DYNC1I1: variants seen among roughly 807,000 people sequenced by gnomAD.
DYNC1I1 encodes the protein dynein cytoplasmic 1 intermediate chain 1.
A neutral mutation model predicts 86.6 loss-of-function variants in DYNC1I1; 43 were observed. The ratio of observed to expected loss-of-function variants is 0.50; its 90% CI spans 0.39 to 0.64. DYNC1I1 has a LOEUF of 0.64. Among genes scored for constraint, DYNC1I1 ranks in the 30% least tolerant of loss-of-function variants. DYNC1I1 has a pLI of 0.00. For missense variants in DYNC1I1, 604 were observed against 788.8 expected (o/e 0.77, Z 2.81); for synonymous variants, 262 against 283.7 (o/e 0.92, Z 0.77).
chr7:95,772,981 C>G (rs1055603311), intron 1 of DYNC1I1, among the ~76,000 whole-genome samples: 7 of 152,182 alleles, frequency 4.6e-5, no homozygotes, highest in African/African-American at 7.2e-5. Context: ...GTGACACCCC[C>G]CTCTCGGCAG....
intron 5 of DYNC1I1, among the ~76,000 whole-genome samples, chr7:95,838,551 A>AT (rs1315621621): frequency 6.6e-6 from 1 of 152,126 alleles, no homozygotes; most frequent in African/African-American, 2.4e-5. Context: ...GAATTTTAAG[A>AT]TTTTTTTCCT....
At position 95,955,771 on chromosome 7, in the gene DYNC1I1, ATTACT is replaced by A. The variant is rs142867560; in HGVS notation, c.491-21739_491-21735del. Reference sequence around the variant, plus strand: ...AGGAAAAAGCTATATTAAATGTATAATTACTTGACATGACTGTGAACATAGCCTAC... The same window carrying A: ...AGGAAAAAGCTATATTAAATGTATAATGACATGACTGTGAACATAGCCTAC... On this transcript the variant is annotated intron_variant, in intron 6 of 16. Coordinates refer to ENST00000447467, the MANE Select transcript of DYNC1I1 (RefSeq NM_001135556.2). Among the ~76,000 whole-genome samples, 1,064 of 152,332 alleles carry A rather than the reference ATTACT, an allele frequency of 7.0e-3. 13 individuals carry two copies. The highest frequency in any genetic ancestry group is 0.024 in the African/African-American group (1,000 of 41,562).
chr7:96,080,268 G>A (rs1790473279), intron 15 of DYNC1I1, 95 bp from the exon 16 acceptor site: 4 of 1,459,836 alleles, frequency 2.7e-6, no homozygotes, highest in Non-Finnish European at 3.6e-6. Flanking sequence ...CATGAAGGCA[G>A]TTGGTGACTC....
At chr7:95,886,943 C>T (rs560209598) in intron 6 of DYNC1I1, among the ~76,000 whole-genome samples, 61 of 152,256 alleles carry the variant, frequency 4.0e-4, no homozygotes, top group African/African-American at 1.1e-3. Flanking sequence ...TCAGTGTATA[C>T]GACAGGGCAG....
intron 1 of DYNC1I1, among the ~76,000 whole-genome samples, chr7:95,785,522 A>G (rs951899249): frequency 1.3e-5 from 2 of 151,918 alleles, no homozygotes; most frequent in Non-Finnish European, 2.9e-5. Flanking sequence ...TCCTTTATTC[A>G]TTCATTCACT....
chr7:96,000,906 G>A (rs1793994496), intron 10 of DYNC1I1, among the ~76,000 whole-genome samples: 1 of 152,124 alleles, frequency 6.6e-6, no homozygotes, highest in Non-Finnish European at 1.5e-5. Flanking sequence ...AGTATGCGAG[G>A]GACCAAGTGA....
At chr7:95,981,734 T>A (rs1202673423) in intron 7 of DYNC1I1, among the ~76,000 whole-genome samples, 1 of 152,122 alleles carries the variant, frequency 6.6e-6, no homozygotes, top group Non-Finnish European at 1.5e-5. Flanking sequence ...AGAAAAAAAA[T>A]CTGCTATAAT....
chr7:96,063,151 A>C (rs1404968800), intron 14 of DYNC1I1, among the ~76,000 whole-genome samples: 2 of 148,332 alleles, frequency 1.3e-5, no homozygotes, highest in Non-Finnish European at 3.0e-5. Context: ...GTTTTCTTTC[A>C]TTACAGGCAG....
chr7:96,095,706 T>C (rs1310950075), intron 16 of DYNC1I1, among the ~76,000 whole-genome samples: 2 of 152,122 alleles, frequency 1.3e-5, no homozygotes, highest in Non-Finnish European at 2.9e-5. Flanking sequence ...GGAAAAGAAA[T>C]AGTGGTCCTA....
chr7:95,971,264 A>C (rs1793162231), intron 6 of DYNC1I1, among the ~76,000 whole-genome samples: 1 of 152,328 alleles, frequency 6.6e-6, no homozygotes, highest in South Asian at 2.1e-4. Context: ...AAAAGATAAA[A>C]TGAGACAAAA....
chr7:95,882,023 T>G (rs568400158), intron 6 of DYNC1I1, among the ~76,000 whole-genome samples: 43 of 152,326 alleles, frequency 2.8e-4, no homozygotes, highest in African/African-American at 8.4e-4. Flanking sequence ...CATATGTATT[T>G]TTTTTATCTT....
Position 95,884,221 on chromosome 7 carries a change from G to A in DYNC1I1, c.490+14223G>A, listed in dbSNP as rs145468744. Among the ~76,000 whole-genome samples, 114 of 152,292 alleles carry A rather than the reference G, an allele frequency of 7.5e-4. 1 individual carries two copies. The highest frequency in any genetic ancestry group is 2.6e-3 in the African/African-American group (108 of 41,560). On this transcript the variant is annotated intron_variant, in intron 6 of 16. Transcript: ENST00000447467. ...ATGTTGTAGACTCCAGCGGGACATG[G>A]TTAGAGAAGAAGTGGTTCAGCAGAA...
chr7:95,785,785 A>ATATATG (rs1794123261), intron 1 of DYNC1I1, among the ~76,000 whole-genome samples: 1 of 57,900 alleles, frequency 1.7e-5, no homozygotes, highest in East Asian at 5.3e-4. Context: ...GTATATATAT[A>ATATATG]TATATATATA....
intron 14 of DYNC1I1, among the ~76,000 whole-genome samples, chr7:96,061,739 CACAA>C (rs1202821257): frequency 1.6e-3 from 241 of 149,982 alleles, no homozygotes; most frequent in African/African-American, 5.5e-3. Flanking sequence ...CACACACGCA[CACAA>C]ACACACACAC....
rs1286708704 is a variant in DYNC1I1 at position 95,977,709 on chromosome 7, A to G, written c.580+108A>G. 16 of 881,852 alleles carry G rather than the reference A, an allele frequency of 1.8e-5. No individual in the cohort carries two copies. In the South Asian group the frequency reaches 2.2e-4, roughly 12 times the overall value. 54.6% of individuals were successfully genotyped at this position (881,852 alleles called of 1,614,324 possible). A position where few individuals can be genotyped will look rare whatever the true frequency, so the allele number is the denominator to read the frequency against. The stretch of plus-strand genomic sequence containing the variant: ...AGTAAAAATTGAATTTGCATCCCCT[A>G]TATGGAAGATTTTCTATGATTGTTC... On this transcript the variant is annotated intron_variant, in intron 7 of 16. Transcript: ENST00000447467.
intron 6 of DYNC1I1, among the ~76,000 whole-genome samples, chr7:95,922,216 T>G (rs1791628884): frequency 6.6e-6 from 1 of 152,146 alleles, no homozygotes; most frequent in East Asian, 1.9e-4. Context: ...TTAATATTAG[T>G]GTGTGTAAAG....
intron 10 of DYNC1I1, among the ~76,000 whole-genome samples, chr7:96,025,233 TG>T (rs1329498199): frequency 2.0e-5 from 3 of 152,152 alleles, no homozygotes; most frequent in African/African-American, 7.2e-5. Context: ...TTTACATGAA[TG>T]ATAGTGCATA....
chr7:95,828,416 T>A lies in DYNC1I1; in HGVS notation c.374+300T>A, dbSNP rs149186355. On this transcript the variant is annotated intron_variant, in intron 5 of 16. Transcript: ENST00000447467. The stretch of plus-strand genomic sequence containing the variant: ...CTAATTAAAAGTGGGGCACACAAGT[T>A]CTGCAGCGGGAGATATGTTTGGCTT... 7.2e-5 allele frequency among the ~76,000 whole-genome samples: 11 copies of A among 152,278 alleles called. No individual in the cohort carries two copies. In the East Asian group the frequency reaches 2.1e-3, roughly 29 times the overall value.
intron 4 of DYNC1I1, among the ~76,000 whole-genome samples, chr7:95,816,372 G>C (rs1021565440): frequency 1.3e-5 from 2 of 152,172 alleles, no homozygotes; most frequent in Admixed American, 1.3e-4. Flanking sequence ...AAAATGGGTA[G>C]AGAGTAGAAA....
Sources: gnomAD v4.1 joint callset for allele counts (sites outside exome capture counted in the v4.1 genomes callset) on GRCh38, gnomAD v4.1.1 for gene constraint, MANE v1.5 for transcripts, NCBI Gene and HGNC (gene_info 2026-07-23, HGNC 2026-07-21) for gene names.